The following FMN2 variants were observed in gnomAD, a reference collection of about 807,000 sequenced individuals.
FMN2 encodes formin-2.
In FMN2, 51 loss-of-function variants were observed where a neutral mutation model predicts 142.3. The observed-to-expected ratio is 0.36, with a 90% confidence interval of 0.29 to 0.45. FMN2 has a LOEUF of 0.45. FMN2 is among the 20% of genes least tolerant of loss of function. The pLI is 1.00. For missense variants in FMN2, 1,936 were observed against 2,122.8 expected (o/e 0.91, Z 1.73); for synonymous variants, 882 against 869.8 (o/e 1.01, Z -0.25).
intron 13 of FMN2, among the ~76,000 whole-genome samples, chr1:240,344,789 C>T (rs1242574180): frequency 6.6e-6 from 1 of 152,198 alleles, no homozygotes; most frequent in East Asian, 1.9e-4. Flanking sequence ...AAGGTGATTA[C>T]TTCCCTGTCA....
At chr1:240,314,615 G>A (rs1444050537) in intron 8 of FMN2, among the ~76,000 whole-genome samples, 1 of 152,166 alleles carries the variant, frequency 6.6e-6, no homozygotes, top group Admixed American at 6.5e-5. Flanking sequence ...ATACTTTCAT[G>A]TTCGTTTCAT....
At chr1:240,468,507 A>G (rs1487812244) in intron 16 of FMN2, among the ~76,000 whole-genome samples, 1 of 152,018 alleles carries the variant, frequency 6.6e-6, no homozygotes, top group African/African-American at 2.4e-5. Flanking sequence ...TTCCCTCTTC[A>G]TGGTGATTGC....
At chr1:240,436,983 C>G (rs1336931738) in intron 15 of FMN2, among the ~76,000 whole-genome samples, 1 of 152,172 alleles carries the variant, frequency 6.6e-6, no homozygotes, top group Non-Finnish European at 1.5e-5. Flanking sequence ...TCTGACCTTT[C>G]TCTAACCAGT....
chr1:240,186,680 G>C (rs1665466191), intron 3 of FMN2, among the ~76,000 whole-genome samples: 1 of 152,146 alleles, frequency 6.6e-6, no homozygotes, highest in Non-Finnish European at 1.5e-5. Context: ...CGGCCCTATG[G>C]AAGAAGCATG....
chr1:240,219,082 C>T lies in FMN2; in HGVS notation c.4065+7847C>T, dbSNP rs537310415. On this transcript the variant is annotated intron_variant, in intron 6 of 17. Coordinates refer to ENST00000319653, the MANE Select transcript of FMN2 (RefSeq NM_020066.5). ...GAATAGCACCACAAGCAAAGGTTTCCGTGCAGCTCATTTAGCAGACCTGGC... is the reference window on the plus strand; with the variant it reads ...GAATAGCACCACAAGCAAAGGTTTCTGTGCAGCTCATTTAGCAGACCTGGC... 3.3e-5 allele frequency among the ~76,000 whole-genome samples: 5 copies of T among 152,244 alleles called. No individual in the cohort carries two copies. The East Asian group carries it at 7.7e-4, about 24-fold the overall frequency.
chr1:240,186,909 CT>C (rs141332446), intron 3 of FMN2, among the ~76,000 whole-genome samples: 5,081 of 152,114 alleles, frequency 0.033, 289 homozygotes, highest in African/African-American at 0.12. Flanking sequence ...TTTTATTTTT[CT>C]GTAGCATTGT....
At chr1:240,232,409 T>C (rs1667558758) in intron 6 of FMN2, among the ~76,000 whole-genome samples, 1 of 152,124 alleles carries the variant, frequency 6.6e-6, no homozygotes, top group Non-Finnish European at 1.5e-5. Context: ...TAATTTGAAA[T>C]TATGCAACAC....
chr1:240,210,589 TA>T (rs1666652786), intron 5 of FMN2, among the ~76,000 whole-genome samples: 2 of 152,336 alleles, frequency 1.3e-5, no homozygotes, highest in Admixed American at 1.3e-4. Flanking sequence ...GTTTGCTTTT[TA>T]AAAAGATGTG....
At chr1:240,407,737 C>T (rs888484241) in intron 15 of FMN2, among the ~76,000 whole-genome samples, 2 of 152,178 alleles carry the variant, frequency 1.3e-5, no homozygotes, top group Non-Finnish European at 2.9e-5. Context: ...CCAAGGTTTT[C>T]CACAGTTCCT....
chr1:240,362,363 A>G (rs1324423421), intron 14 of FMN2, among the ~76,000 whole-genome samples: 1 of 152,182 alleles, frequency 6.6e-6, no homozygotes, highest in Non-Finnish European at 1.5e-5. Flanking sequence ...TAATCTCCAG[A>G]TGGTCATTCA....
intron 10 of FMN2, 104 bp from the exon 11 acceptor site, chr1:240,330,499 C>A (rs1022257550): frequency 9.8e-6 from 12 of 1,228,060 alleles, no homozygotes; most frequent in East Asian, 2.5e-5. Context: ...TCGGTTGTGA[C>A]CCAAAACTCC....
intron 2 of FMN2, among the ~76,000 whole-genome samples, chr1:240,153,690 G>A (rs1663882577): frequency 6.6e-6 from 1 of 152,058 alleles, no homozygotes; most frequent in South Asian, 2.1e-4. Context: ...ATAGGCCAGG[G>A]ACTAAAGGTT....
At chr1:240,474,099 A>T (rs1366297916) in intron 17 of FMN2, 29 bp from the exon 18 acceptor site, 1 of 1,548,418 alleles carries the variant, frequency 6.5e-7, no homozygotes, top group Non-Finnish European at 8.7e-7. Context: ...TTTCTAACTA[A>T]AACTTTTATC....
chr1:240,421,341 CAA>C (rs1392885715), intron 15 of FMN2, among the ~76,000 whole-genome samples: 1 of 152,058 alleles, frequency 6.6e-6, no homozygotes, highest in East Asian at 1.9e-4. Context: ...TTTAAATTAA[CAA>C]TATTTATTTA....
chr1:240,135,734 C>G (rs1662910971), intron 2 of FMN2, among the ~76,000 whole-genome samples: 1 of 148,510 alleles, frequency 6.7e-6, no homozygotes, highest in South Asian at 2.1e-4. Context: ...AGTTGGAGTG[C>G]AGTGGTGCGA....
In FMN2 at chr1:240,329,214, G is replaced by A. The variant is rs1483677007; in HGVS notation, c.4307+47G>A. The A allele has an allele frequency of 3.1e-6, 5 of 1,607,276 alleles. 1 individual carries two copies. The Admixed American group carries it at 8.5e-5, about 27-fold the overall frequency. ...GTAGAGGGCGTCCAGGCTATGGGTG[G>A]GCCCGTTTTGTTTGGAAAATGCAAA... On this transcript the variant is annotated intron_variant, in intron 9 of 17. Coordinates refer to ENST00000319653, the MANE Select transcript of FMN2 (RefSeq NM_020066.5).
intron 4 of FMN2, among the ~76,000 whole-genome samples, chr1:240,203,307 GGA>G (rs1184805648): frequency 1.3e-5 from 2 of 152,148 alleles, no homozygotes; most frequent in Non-Finnish European, 2.9e-5. Context: ...CCCCATTACT[GGA>G]TATGTACCCA....
intron 6 of FMN2, among the ~76,000 whole-genome samples, chr1:240,243,669 T>C (rs1667987404): frequency 6.6e-6 from 1 of 152,198 alleles, no homozygotes; most frequent in Non-Finnish European, 1.5e-5. Flanking sequence ...TCTCAAGTTA[T>C]GGGAATATTG....
At chr1:240,354,548 C>G (rs955712474) in intron 13 of FMN2, among the ~76,000 whole-genome samples, 2 of 152,152 alleles carry the variant, frequency 1.3e-5, no homozygotes, top group Non-Finnish European at 1.5e-5. Flanking sequence ...CTGCAAGAGG[C>G]TACCTGGGCA....
Sources: allele counts gnomAD v4.1 joint callset (sites outside exome capture counted in the v4.1 genomes callset), GRCh38; gene constraint gnomAD v4.1.1; transcripts MANE v1.5; gene names NCBI Gene and HGNC (gene_info 2026-07-23, HGNC 2026-07-21).